CRTAM: variants seen among roughly 807,000 people sequenced by gnomAD.
CRTAM encodes the protein cytotoxic and regulatory T-cell molecule.
CRTAM carries 44 observed loss-of-function variants against 50.0 expected under a neutral mutation model. The ratio of observed to expected loss-of-function variants is 0.88; its 90% CI spans 0.69 to 1.13. The LOEUF is 1.13. CRTAM is among the 50% of genes most tolerant of loss of function. The pLI, the probability that CRTAM is intolerant of heterozygous loss-of-function variation, is 0.00. For synonymous variants in CRTAM, 159 were observed against 169.3 expected (o/e 0.94, Z 0.47); for missense variants, 448 against 457.5 (o/e 0.98, Z 0.19).
intron 1 of CRTAM, among the ~76,000 whole-genome samples, chr11:122,840,420 C>CGTGTGT (rs59792353): frequency 2.0e-5 from 3 of 150,074 alleles, no homozygotes; most frequent in African/African-American, 7.3e-5. Context: ...TTCTAATTAA[C>CGTGTGT]GTGTGTGTGT....
intron 1 of CRTAM, among the ~76,000 whole-genome samples, chr11:122,841,877 G>A (rs1232234714): frequency 1.3e-5 from 2 of 152,150 alleles, no homozygotes; most frequent in African/African-American, 4.8e-5. Context: ...TATATCTCAA[G>A]ACTTTGGGAA....
intron 5 of CRTAM, among the ~76,000 whole-genome samples, chr11:122,860,183 G>A (rs1862053590): frequency 6.6e-6 from 1 of 152,084 alleles, no homozygotes; most frequent in African/African-American, 2.4e-5. Flanking sequence ...GAGTAGCTGG[G>A]ATTATAGGTG....
intron 7 of CRTAM, among the ~76,000 whole-genome samples, chr11:122,865,345 T>A (rs557491329): frequency 6.6e-6 from 1 of 152,334 alleles, no homozygotes; most frequent in Admixed American, 6.5e-5. Context: ...GTTCTTCCCT[T>A]ATTTTTTAAA....
rs773481639 is a variant in CRTAM, at chr11:122,867,502, T to C, written c.911T>C (p.Ile304Thr). Residue 304 changes from isoleucine (I) to threonine (T), a missense_variant, in exon 8 of 10, where the codon ATA (isoleucine) becomes ACA (threonine). Physicochemically the swap from Ile to Thr is moderately conservative, Grantham distance 89. Transcript: ENST00000227348. The stretch of plus-strand genomic sequence containing the variant: ...TTCCTCATTTTCATACTCTTCATCA[T>C]AGTCCAGCTCTTCATCATGAAGCTG... ...VSFLIFILFI[I>T]VQLFIMKLRK... The C allele has an allele frequency of 1.9e-6, 3 of 1,614,164 alleles. No homozygotes were observed. The highest frequency in any genetic ancestry group is 1.3e-5 in the African/African-American group (1 of 75,052).
chr11:122,864,113 C>T (rs1174778257), intron 6 of CRTAM, among the ~76,000 whole-genome samples: 1 of 152,186 alleles, frequency 6.6e-6, no homozygotes, highest in Non-Finnish European at 1.5e-5. Context: ...TATATTTCAA[C>T]ATAAATTTCA....
intron 5 of CRTAM, among the ~76,000 whole-genome samples, chr11:122,860,499 A>G (rs1355858425): frequency 6.6e-6 from 1 of 152,226 alleles, no homozygotes; most frequent in Non-Finnish European, 1.5e-5. Context: ...AATTAAAACA[A>G]CATTCAGTCT....
intron 6 of CRTAM, among the ~76,000 whole-genome samples, chr11:122,863,228 C>T (rs891824113): frequency 1.6e-4 from 17 of 108,568 alleles, no homozygotes; most frequent in East Asian, 2.4e-4. Context: ...AAATGAATTA[C>T]GAAAGAAAGA....
At chr11:122,840,135 T>C (rs764136858) in intron 1 of CRTAM, among the ~76,000 whole-genome samples, 9 of 152,192 alleles carry the variant, frequency 5.9e-5, no homozygotes, top group Non-Finnish European at 1.3e-4. Context: ...TAAAAATACA[T>C]TTTTTAAATA....
chr11:122,850,275 G>A lies in CRTAM; in HGVS notation c.193+61G>A, dbSNP rs181783192. The A allele has an allele frequency of 4.1e-3, 6,073 of 1,488,878 alleles. 13 individuals are homozygous for A. Among genetic ancestry groups the A allele is most frequent in the Non-Finnish European group, 4.8e-3 (5,291 of 1,104,292 alleles). 92.2% of individuals were successfully genotyped at this position (1,488,878 alleles called of 1,614,324 possible). On this transcript the variant is annotated intron_variant, in intron 2 of 9. Coordinates refer to ENST00000227348, the MANE Select transcript of CRTAM (RefSeq NM_019604.4). ...CCTTAACCTGAGGGTTTTTCCAGCC[G>A]GACAGTTTGGTGGGACAGAAAGCCT...
At position 122,872,618 on chromosome 11, in the gene CRTAM, G is replaced by A. The variant is rs1192924170; in HGVS notation, c.*1219G>A. The A allele has an allele frequency of 6.6e-6, 1 of 152,624 alleles. No individual in the cohort carries two copies. The highest frequency in any genetic ancestry group is 6.5e-5 in the Admixed American group (1 of 15,274). 9.5% of individuals were successfully genotyped at this position (152,624 alleles called of 1,614,324 possible). A position where few individuals can be genotyped will look rare whatever the true frequency, so the allele number is the denominator to read the frequency against. ...GGAGCATTTCTCATTGTTGGAATCT[G>A]AATAAACCAATTACAAAATAACATA... On this transcript the variant is annotated 3_prime_UTR_variant, in exon 10 of 10. Coordinates refer to ENST00000227348, the MANE Select transcript of CRTAM (RefSeq NM_019604.4).
In CRTAM at chr11:122,855,749, C is replaced by T. The variant is rs772273612; in HGVS notation, c.545C>T (p.Thr182Ile). 3 of 1,613,974 alleles carry T rather than the reference C, an allele frequency of 1.9e-6. No individual in the cohort carries two copies. The highest frequency in any genetic ancestry group is 3.3e-5 in the Admixed American group (2 of 60,030). ...TDGKKCNTTS[T>I]LIIHTYGKNS... is the part of the protein sequence containing the mutation. Reference sequence around the variant, plus strand: ...GGGAAGAAATGTAATACTACCAGCACTCTCATAATCCACACTTATGGCAAA... The same window carrying T: ...GGGAAGAAATGTAATACTACCAGCATTCTCATAATCCACACTTATGGCAAA... The change falls in exon 5 of 10, where the codon ACT (threonine) becomes ATT (isoleucine). Residue 182 changes from threonine to isoleucine, a missense_variant. Physicochemically the swap from Thr to Ile is moderately conservative, Grantham distance 89 (BLOSUM62 -1). Transcript: ENST00000227348.
At chr11:122,867,342 A>G in intron 7 of CRTAM, 67 bp from the exon 8 acceptor site, 6 of 1,340,704 alleles carry the variant, frequency 4.5e-6, no homozygotes, top group Non-Finnish European at 6.0e-6. Flanking sequence ...ATTGTTACAT[A>G]TTCTCCAGTG....
chr11:122,847,116 C>T (rs1861873741), intron 1 of CRTAM, among the ~76,000 whole-genome samples: 1 of 152,132 alleles, frequency 6.6e-6, no homozygotes, highest in Non-Finnish European at 1.5e-5. Flanking sequence ...TTTTTAATTG[C>T]CTCAATGACT....
Position 122,864,694 on chromosome 11 carries a change from C to T in CRTAM, c.792C>T (p.Thr264=). 1 of 1,613,600 alleles carries T rather than the reference C, an allele frequency of 6.2e-7. No homozygotes were observed. ...SEIDKEEKEQ[T]TQDPDLTTEA... ...TTGACAAGGAAGAGAAAGAACAAACCACTCAAGATCCTGACTTGACCACCG... is the reference window on the plus strand; with the variant it reads ...TTGACAAGGAAGAGAAAGAACAAACTACTCAAGATCCTGACTTGACCACCG... The change falls in exon 7 of 10, where the codon ACC becomes ACT. Residue 264 remains threonine (T), a synonymous_variant. Transcript: ENST00000227348.
intron 1 of CRTAM, among the ~76,000 whole-genome samples, chr11:122,840,572 G>A (rs1861786601): frequency 6.6e-6 from 1 of 152,152 alleles, no homozygotes; most frequent in Admixed American, 6.6e-5. Flanking sequence ...GGGCATCTAA[G>A]CTCAATGGCA....
intron 5 of CRTAM, among the ~76,000 whole-genome samples, chr11:122,861,885 T>C (rs921142569): frequency 2.6e-5 from 4 of 152,206 alleles, no homozygotes; most frequent in Non-Finnish European, 5.9e-5. Flanking sequence ...ATTAATGTTA[T>C]ACAATAACAT....
At chr11:122,844,754 G>C (rs891617828) in intron 1 of CRTAM, among the ~76,000 whole-genome samples, 1 of 152,238 alleles carries the variant, frequency 6.6e-6, no homozygotes, top group Non-Finnish European at 1.5e-5. Context: ...GAGTAAAACA[G>C]TAAGCATCAC....
rs1465535158 is a variant in CRTAM at position 122,845,272 on chromosome 11, G to A, written c.47-4796G>A. Among the ~76,000 whole-genome samples the A allele has an allele frequency of 2.0e-5, 3 of 152,190 alleles. No individual in the cohort carries two copies. The East Asian group carries it at 5.8e-4, about 29-fold the overall frequency. Reference sequence around the variant, plus strand: ...TTGAATAAGATATGGTCTGAGAATGGAGCATTGGTTTGAGCAATGTGAAGG... The same window carrying A: ...TTGAATAAGATATGGTCTGAGAATGAAGCATTGGTTTGAGCAATGTGAAGG... On this transcript the variant is annotated intron_variant, in intron 1 of 9. Transcript: ENST00000227348.
At chr11:122,852,889 G>A (rs1184634607) in intron 3 of CRTAM, among the ~76,000 whole-genome samples, 1 of 152,138 alleles carries the variant, frequency 6.6e-6, no homozygotes, top group Non-Finnish European at 1.5e-5. Context: ...TTGGAGCTAA[G>A]AAGTGCCTTT....
Sources: gnomAD v4.1 joint callset for allele counts (sites outside exome capture counted in the v4.1 genomes callset) on GRCh38, gnomAD v4.1.1 for gene constraint, MANE v1.5 for transcripts, NCBI Gene and HGNC (gene_info 2026-07-23, HGNC 2026-07-21) for gene names.